The following THTPA variants were observed in gnomAD, a reference collection of about 807,000 sequenced individuals.
The protein encoded by THTPA is thiamine-triphosphatase.
THTPA carries 16 observed loss-of-function variants against 16.5 expected under a neutral mutation model. That is an observed-to-expected ratio of 0.97 (90% CI 0.66 to 1.47). THTPA has a LOEUF of 1.47. Ranked by LOEUF, THTPA falls within the 40% of genes most tolerant of loss-of-function variation. The pLI, the probability that THTPA is intolerant of heterozygous loss-of-function variation, is 0.00. For synonymous variants in THTPA, 110 were observed against 115.5 expected (o/e 0.95, Z 0.30); for missense variants, 281 against 280.9 (o/e 1.00, Z 0.00).
At chr14:23,525,276 C>G in the THTPA span, 1 of 1,536,124 alleles carries the variant, frequency 6.5e-7, no homozygotes, top group Non-Finnish European at 8.7e-7. This position sits in a 1 kb window ranked among gnomAD's most constrained non-coding sequence, Gnocchi z 5.9. Flanking sequence ...GCCTCAGGCT[C>G]TGGGACCAGG....
chr14:23,533,025 A>T, the THTPA span: 1 of 1,536,000 alleles, frequency 6.5e-7, no homozygotes, highest in Non-Finnish European at 8.7e-7. This position sits in a 1 kb window ranked among gnomAD's most constrained non-coding sequence, Gnocchi z 4.8. Flanking sequence ...AGGCTGTCAG[A>T]TGAGGAACCC....
the THTPA span, among the ~76,000 whole-genome samples, chr14:23,512,264 G>T: frequency 6.6e-6 from 1 of 152,046 alleles, no homozygotes; most frequent in Non-Finnish European, 1.5e-5. Flanking sequence ...ATGGCTGTGC[G>T]GTGGCTGGCA....
the THTPA span, chr14:23,525,554 G>C: frequency 6.5e-7 from 1 of 1,535,216 alleles, no homozygotes; most frequent in African/African-American, 1.4e-5. This position sits in a 1 kb window ranked among gnomAD's most constrained non-coding sequence, Gnocchi z 5.9. Flanking sequence ...AGGGGGAGGG[G>C]GCACAGCTTG....
At chr14:23,535,275 C>A in the THTPA span, 59 of 1,491,132 alleles carry the variant, frequency 4.0e-5, no homozygotes, top group African/African-American at 7.1e-4. This position sits in a 1 kb window ranked among gnomAD's most constrained non-coding sequence, Gnocchi z 4.5. Context: ...GGGCATTGTG[C>A]CCAGGGGAGG....
Position 23,560,054 on chromosome 14 carries a change from A to G in THTPA, c.*1214A>G. 1.3e-6 allele frequency: 2 copies of G among 1,551,406 alleles called. No individual in the cohort carries two copies. Among genetic ancestry groups the G allele is most frequent in the Non-Finnish European group, 1.8e-6 (2 of 1,128,614 alleles). On this transcript the variant is annotated 3_prime_UTR_variant, in exon 2 of 2. Coordinates refer to ENST00000288014, the MANE Select transcript of THTPA (RefSeq NM_024328.6). Reference sequence around the variant, plus strand: ...TGGAGACTCTGAACACAGGAGTTTAACAGAGCACAGTATGGCAGTAGGTAG... The same window carrying G: ...TGGAGACTCTGAACACAGGAGTTTAGCAGAGCACAGTATGGCAGTAGGTAG...
the THTPA span, chr14:23,525,022 C>T: frequency 1.3e-6 from 2 of 1,536,204 alleles, no homozygotes; most frequent in Non-Finnish European, 1.7e-6. This position sits in a 1 kb window ranked among gnomAD's most constrained non-coding sequence, Gnocchi z 5.9. Context: ...GGAACCACAC[C>T]ACCACCACAC....
At chr14:23,524,291 C>A in the THTPA span, 1 of 1,536,318 alleles carries the variant, frequency 6.5e-7, no homozygotes, top group Admixed American at 2.0e-5. This position sits in a 1 kb window ranked among gnomAD's most constrained non-coding sequence, Gnocchi z 5.6. Flanking sequence ...GAGCATCTTG[C>A]GTGTTGGGTT....
chr14:23,518,681 T>C, the THTPA span, among the ~76,000 whole-genome samples: 3 of 152,128 alleles, frequency 2.0e-5, no homozygotes, highest in Non-Finnish European at 4.4e-5. The surrounding 1 kb of genome is among the most constrained non-coding windows in gnomAD (Gnocchi z 4.5). Context: ...GACGAGTGTA[T>C]GTTAGAAGCC....
In THTPA at chr14:23,559,759, G is replaced by A. The variant is rs768123425; in HGVS notation, c.*919G>A. The A allele has an allele frequency of 7.4e-6, 12 of 1,614,096 alleles. No homozygotes were observed. Among genetic ancestry groups the A allele is most frequent in the East Asian group, 4.5e-5 (2 of 44,880 alleles). ...TGTGAGTGGAGACAGTTACTGCCAC[G>A]ATTCCACAGGCAAGTTGTTCACCTC... On this transcript the variant is annotated 3_prime_UTR_variant, in exon 2 of 2. Coordinates refer to ENST00000288014, the MANE Select transcript of THTPA (RefSeq NM_024328.6).
At chr14:23,523,873 G>A in the THTPA span, 2 of 1,536,188 alleles carry the variant, frequency 1.3e-6, no homozygotes, top group South Asian at 2.4e-5. The surrounding 1 kb of genome is among the most constrained non-coding windows in gnomAD (Gnocchi z 4.1). Flanking sequence ...CAGAGAGACT[G>A]CAAGCCTCAC....
upstream of THTPA, chr14:23,551,794 C>T (rs987145075): frequency 6.6e-6 from 1 of 152,644 alleles, no homozygotes; most frequent in African/African-American, 2.4e-5. The surrounding 1 kb of genome is among the most constrained non-coding windows in gnomAD (Gnocchi z 5.3). Context: ...CGGGGCTGCC[C>T]CACTGAGCAG....
chr14:23,531,877 A>G, the THTPA span: 1 of 1,017,470 alleles, frequency 9.8e-7, no homozygotes, highest in Non-Finnish European at 1.3e-6. Flanking sequence ...TCCTGGGTTC[A>G]GTGATTCTCA....
the THTPA span, chr14:23,538,035 A>G: frequency 2.6e-5 from 4 of 152,444 alleles, no homozygotes; most frequent in Non-Finnish European, 5.9e-5. Context: ...CACAGCTCAG[A>G]GTAGGGCTAG....
rs777998281 is a variant in THTPA at position 23,558,866 on chromosome 14, G to A, written c.*26G>A. ...GGGTGTCACTTCCTAGAAGGGGAAG[G>A]GAACTCTGGGTCTAACGGAGTCCAC... On this transcript the variant is annotated 3_prime_UTR_variant, in exon 2 of 2. Transcript: ENST00000288014. The A allele has an allele frequency of 1.8e-5, 29 of 1,613,020 alleles. No individual in the cohort carries two copies. The South Asian group carries it at 2.9e-4, about 16-fold the overall frequency.
chr14:23,534,941 A>G, the THTPA span: 1,372 of 1,536,092 alleles, frequency 8.9e-4, 4 homozygotes, highest in Non-Finnish European at 9.6e-4. The surrounding 1 kb of genome is among the most constrained non-coding windows in gnomAD (Gnocchi z 4.5). Context: ...CCTGGCAGGG[A>G]CAGCTTGGCC....
At chr14:23,534,318 C>T in the THTPA span, 1 of 1,535,972 alleles carries the variant, frequency 6.5e-7, no homozygotes, top group Non-Finnish European at 8.7e-7. The surrounding 1 kb of genome is among the most constrained non-coding windows in gnomAD (Gnocchi z 4.5). Flanking sequence ...CTTCTTCATC[C>T]AGGAGGATAA....
chr14:23,524,487 C>T, the THTPA span: 2 of 1,530,114 alleles, frequency 1.3e-6, no homozygotes, highest in Non-Finnish European at 1.7e-6. This position sits in a 1 kb window ranked among gnomAD's most constrained non-coding sequence, Gnocchi z 5.6. Context: ...GTGGCTGCCA[C>T]CAGGGGGTTT....
At chr14:23,531,365 G>C in the THTPA span, 1 of 1,301,398 alleles carries the variant, frequency 7.7e-7, no homozygotes, top group Admixed American at 3.4e-5. Flanking sequence ...ATTTAGTATA[G>C]GTGGCCTACA....
At chr14:23,545,822 G>T in the THTPA span, among the ~76,000 whole-genome samples, 1 of 152,180 alleles carries the variant, frequency 6.6e-6, no homozygotes, top group African/African-American at 2.4e-5. Flanking sequence ...AGAAGACAGA[G>T]GCTTGAGATT....
Sources: allele counts gnomAD v4.1 joint callset (sites outside exome capture counted in the v4.1 genomes callset), GRCh38; gene constraint gnomAD v4.1.1; non-coding constraint Gnocchi (gnomAD v3.1); transcripts MANE v1.5; gene names NCBI Gene and HGNC (gene_info 2026-07-23, HGNC 2026-07-21).